Variants in MGST1 observed in about 807,000 individuals in gnomAD.
The protein encoded by MGST1 is glutathione S-transferase 12.
MGST1 carries 5 observed loss-of-function variants against 8.9 expected under a neutral mutation model. The ratio of observed to expected loss-of-function variants is 0.56; its 90% confidence interval spans 0.29 to 1.19. The LOEUF is 1.19. MGST1 is among the 50% of genes most tolerant of loss of function. The pLI, the probability that MGST1 is intolerant of heterozygous loss-of-function variation, is 0.08. For missense variants in MGST1, 182 were observed against 187.4 expected, an observed-to-expected ratio of 0.97 and a Z score of 0.17; for synonymous variants, 54 against 67.8, an observed-to-expected ratio of 0.80 and a Z score of 1.00.
rs555602753 is a variant in MGST1, at chr12:16,539,622, G to A, written n.483-49906G>A. 1.2e-3 allele frequency among the ~76,000 whole-genome samples: 189 copies of A among 152,190 alleles called. 1 individual carries two copies. Among genetic ancestry groups the A allele is most frequent in the African/African-American group, 4.2e-3 (176 of 41,544 alleles). On this transcript the variant is annotated intron_variant and non_coding_transcript_variant, in intron 4 of 4. Coordinates refer to the MGST1 transcript ENST00000538857. The stretch of plus-strand genomic sequence containing the variant: ...TCAACTGTATCAGCTGGTCCCCACC[G>A]TATAATGTCTGCCGACTCTACCCCT...
In MGST1 at chr12:16,534,311, G is replaced by A. The variant is rs1029392450; in HGVS notation, n.483-55217G>A. Reference sequence around the variant, plus strand: ...TTTGAGATAAAAGGTATTTGTTAGAGTATGATGTTTCCTCCCCAAATTCTT... The same window carrying A: ...TTTGAGATAAAAGGTATTTGTTAGAATATGATGTTTCCTCCCCAAATTCTT... On this transcript the variant is annotated intron_variant and non_coding_transcript_variant, in intron 4 of 4. Transcript: ENST00000538857. 2.6e-5 allele frequency among the ~76,000 whole-genome samples: 4 copies of A among 152,186 alleles called. No individual in the cohort carries two copies. The East Asian group carries it at 5.8e-4, about 22-fold the overall frequency.
intron 1 of MGST1, among the ~76,000 whole-genome samples, chr12:16,398,754 C>T (rs1012356608): frequency 2.6e-5 from 4 of 152,302 alleles, no homozygotes; most frequent in African/African-American, 9.6e-5. Context: ...CTCACTGGCT[C>T]AAGTTGTATA....
In MGST1 at chr12:16,522,617, TG is replaced by T. The variant is rs200680999; in HGVS notation, n.483-66910del. Among the ~76,000 whole-genome samples the T allele has an allele frequency of 1.4e-3, 217 of 152,258 alleles. 2 individuals are homozygous for T. The East Asian group carries it at 0.032, about 22-fold the overall frequency. ...TCCATGGCTTGATGAAGTGCCTAGA[TG>T]TGCGAACACCTTATCTCAGGTCTCA... On this transcript the variant is annotated intron_variant and non_coding_transcript_variant, in intron 4 of 4. Transcript: ENST00000538857.
intron 4 of MGST1, chr12:16,567,295 T>C (rs1942652583): frequency 6.4e-6 from 1 of 155,818 alleles, no homozygotes; most frequent in South Asian, 1.9e-4. Flanking sequence ...TGAGGTTCAA[T>C]GAACCTTTTT....
At chr12:16,470,618 A>T (rs1404277309) in intron 4 of MGST1, among the ~76,000 whole-genome samples, 1 of 152,202 alleles carries the variant, frequency 6.6e-6, no homozygotes, top group Non-Finnish European at 1.5e-5. Context: ...ACCAGTATAG[A>T]TATGATGAAG....
Position 16,560,546 on chromosome 12 carries a change from A to T in MGST1, n.483-28982A>T, listed in dbSNP as rs372187914. On this transcript the variant is annotated intron_variant and non_coding_transcript_variant, in intron 4 of 4. Transcript: ENST00000538857. This position sits in a 1 kb window ranked among gnomAD's most constrained non-coding sequence, Gnocchi z 5.0. ...CCCGTTACACCAAAGAGCCTAGAAT[A>T]AGAAACATTTTTTTTTTTTTACAAA... The T allele has an allele frequency of 8.8e-6, 14 of 1,585,134 alleles. No individual in the cohort carries two copies. Among genetic ancestry groups the T allele is most frequent in the African/African-American group, 1.5e-5 (1 of 67,452 alleles).
In MGST1 at chr12:16,503,175, C is replaced by T. The variant is rs1327687194; in HGVS notation, n.483-86353C>T. Among the ~76,000 whole-genome samples the T allele has an allele frequency of 3.9e-5, 6 of 152,028 alleles. No individual in the cohort carries two copies. Among genetic ancestry groups the T allele is most frequent in the African/African-American group, 1.4e-4 (6 of 41,394 alleles). On this transcript the variant is annotated intron_variant and non_coding_transcript_variant, in intron 4 of 4. Transcript: ENST00000538857. The surrounding 1 kb of genome is among the most constrained non-coding windows in gnomAD (Gnocchi z 4.8). ...TGTGGTTTATCTTCCCCCACCCTCCCCCCTTTTTGTTTCTTCTCTTATTGT... is the reference window on the plus strand; with the variant it reads ...TGTGGTTTATCTTCCCCCACCCTCCTCCCTTTTTGTTTCTTCTCTTATTGT...
At chr12:16,355,248 GCCCAGGCT>G (rs919374251) in intron 2 of MGST1, among the ~76,000 whole-genome samples, 2 of 131,994 alleles carry the variant, frequency 1.5e-5, no homozygotes, top group African/African-American at 5.8e-5. Flanking sequence ...TCACTCTGTT[GCCCAGGCT>G]GGAGTGCAGT....
In MGST1 at chr12:16,584,593, G is replaced by T. The variant is rs1392590148; in HGVS notation, n.483-4935G>T. Reference sequence around the variant, plus strand: ...ATTGGCAAGTGGAGGAGTGGGGGGGGTAAGAGGCCTGTTTAGAGGTGGATG... The same window carrying T: ...ATTGGCAAGTGGAGGAGTGGGGGGGTTAAGAGGCCTGTTTAGAGGTGGATG... On this transcript the variant is annotated intron_variant and non_coding_transcript_variant, in intron 4 of 4. Coordinates refer to the MGST1 transcript ENST00000538857. This position sits in a 1 kb window ranked among gnomAD's most constrained non-coding sequence, Gnocchi z 5.2. 2.0e-5 allele frequency among the ~76,000 whole-genome samples: 3 copies of T among 151,022 alleles called. No individual in the cohort carries two copies. Among genetic ancestry groups the T allele is most frequent in the Admixed American group, 1.3e-4 (2 of 15,206 alleles).
At chr12:16,373,210 G>A (rs76000774) in intron 3 of MGST1, among the ~76,000 whole-genome samples, 3,033 of 151,714 alleles carry the variant, frequency 0.02, 66 homozygotes, top group African/African-American at 0.053. Flanking sequence ...ATAACCTCAC[G>A]GAGATAGGGA....
At chr12:16,434,941 A>G (rs1940971366) in intron 1 of MGST1, among the ~76,000 whole-genome samples, 1 of 152,046 alleles carries the variant, frequency 6.6e-6, no homozygotes, top group South Asian at 2.1e-4. Context: ...GAGAAGCGAC[A>G]TTTTTAGTTC....
At chr12:16,476,452 G>A (rs1353826391) in intron 4 of MGST1, among the ~76,000 whole-genome samples, 1 of 152,160 alleles carries the variant, frequency 6.6e-6, no homozygotes, top group Non-Finnish European at 1.5e-5. Context: ...CTCTCAGCAA[G>A]CATTCATCTT....
chr12:16,592,050 C>T (rs780238337), downstream of MGST1, among the ~76,000 whole-genome samples: 21 of 151,860 alleles, frequency 1.4e-4, no homozygotes, highest in Non-Finnish European at 2.9e-4. Flanking sequence ...AAGTTCTTTC[C>T]AATTTTCCCA....
chr12:16,408,348 T>G (rs1940713985), intron 1 of MGST1, among the ~76,000 whole-genome samples: 1 of 152,164 alleles, frequency 6.6e-6, no homozygotes, highest in South Asian at 2.1e-4. Context: ...ATGTAACAAA[T>G]CTGCACATGT....
downstream of MGST1, among the ~76,000 whole-genome samples, chr12:16,591,546 T>TC (rs55950422): frequency 6.6e-6 from 1 of 152,052 alleles, no homozygotes; most frequent in Non-Finnish European, 1.5e-5. The surrounding 1 kb of genome is among the most constrained non-coding windows in gnomAD (Gnocchi z 4.1). Flanking sequence ...TATTTAGTGC[T>TC]TATGTCAAGG....
chr12:16,480,914 C>A lies in MGST1; in HGVS notation n.482+97310C>A, dbSNP rs569412015. Among the ~76,000 whole-genome samples, 29 of 152,022 alleles carry A rather than the reference C, an allele frequency of 1.9e-4. No individual in the cohort carries two copies. In the South Asian group the frequency reaches 6.0e-3, roughly 32 times the overall value. ...CAGAGCCTGTCTCTACCAAAACAGA[C>A]AAACAAACAAAAAAACAAAAAATTA... On this transcript the variant is annotated intron_variant and non_coding_transcript_variant, in intron 4 of 4. Transcript: ENST00000538857.
chr12:16,434,787 G>A (rs929378986), intron 1 of MGST1, among the ~76,000 whole-genome samples: 2 of 151,938 alleles, frequency 1.3e-5, no homozygotes, highest in African/African-American at 4.8e-5. Context: ...AGAGTAAAAC[G>A]ATTTGACAGA....
chr12:16,525,605 C>T lies in MGST1; in HGVS notation n.483-63923C>T, dbSNP rs61295957. Reference sequence around the variant, plus strand: ...TGTGAATAATGCCGCAATAAACATACGTGTGCATGTGTCTTTATAGCAGCA... The same window carrying T: ...TGTGAATAATGCCGCAATAAACATATGTGTGCATGTGTCTTTATAGCAGCA... On this transcript the variant is annotated intron_variant and non_coding_transcript_variant, in intron 4 of 4. Coordinates refer to the MGST1 transcript ENST00000538857. Among the ~76,000 whole-genome samples the T allele has an allele frequency of 9.4e-3, 1,354 of 143,772 alleles. 5 individuals carry two copies. The highest frequency in any genetic ancestry group is 0.029 in the African/African-American group (1,121 of 38,166). 94.3% of individuals were successfully genotyped at this position (143,772 alleles called of 152,430 possible).
chr12:16,373,377 T>C (rs1940328314), intron 3 of MGST1, among the ~76,000 whole-genome samples: 2 of 151,914 alleles, frequency 1.3e-5, no homozygotes, highest in Admixed American at 1.3e-4. Flanking sequence ...TAATTTATTG[T>C]ATATTTCAAA....
Sources: allele counts gnomAD v4.1 joint callset (sites outside exome capture counted in the v4.1 genomes callset), GRCh38; gene constraint gnomAD v4.1.1; non-coding constraint Gnocchi (gnomAD v3.1); transcripts MANE v1.5; gene names NCBI Gene and HGNC (gene_info 2026-07-23, HGNC 2026-07-21).